The following ARRDC4 variants were observed in gnomAD, a reference collection of about 807,000 sequenced individuals.
ARRDC4 encodes arrestin domain containing 4.
In ARRDC4, 40 loss-of-function variants were observed where a neutral mutation model predicts 44.6. That is an observed-to-expected ratio of 0.90 (90% CI 0.70 to 1.17). The LOEUF (loss-of-function observed/expected upper bound fraction) is 1.17, where lower values mean the gene tolerates loss of function less well. ARRDC4 is among the 50% of genes most tolerant of loss of function. ARRDC4 has a pLI of 0.00. For synonymous variants in ARRDC4, 211 were observed against 221.2 expected (o/e 0.95, Z 0.41); for missense variants, 550 against 559.1 (o/e 0.98, Z 0.16).
rs183582623 is a variant in ARRDC4, at chr15:97,972,619, T to C, written c.*1432T>C. The C allele has an allele frequency of 6.5e-6, 1 of 152,680 alleles. No individual in the cohort carries two copies. The highest frequency in any genetic ancestry group is 6.5e-5 in the Admixed American group (1 of 15,272). The allele number at this position is 152,680 out of a possible 1,614,324, so 9.5% of individuals were successfully genotyped here. On this transcript the variant is annotated 3_prime_UTR_variant, in exon 8 of 8. Transcript: ENST00000268042. The surrounding 1 kb of genome is among the most constrained non-coding windows in gnomAD (Gnocchi z 5.3). ...GGAAGGGAGCCAGGGATTCCTGTGA[T>C]ACAGATTTTGAACCAGCAGAGTACT...
In ARRDC4 at chr15:97,960,810, C is replaced by T. The variant is rs1395927381; in HGVS notation, c.-52C>T. ...CAGCGGCGCCGCTGTGCTCGCGACC[C>T]CGGCTCCGGGCCTCTGCCGACCTCA... On this transcript the variant is annotated 5_prime_UTR_variant, in exon 1 of 8. Transcript: ENST00000268042. 6.4e-6 allele frequency: 8 copies of T among 1,257,808 alleles called. No individual in the cohort carries two copies. Among genetic ancestry groups the T allele is most frequent in the Non-Finnish European group, 7.0e-6 (7 of 1,002,230 alleles). The allele number at this position is 1,257,808 out of a possible 1,614,324, so 77.9% of individuals were successfully genotyped here. A position where few individuals can be genotyped will look rare whatever the true frequency, so the allele number is the denominator to read the frequency against.
Position 97,971,418 on chromosome 15 carries a change from G to A in ARRDC4, c.*231G>A. On this transcript the variant is annotated 3_prime_UTR_variant, in exon 8 of 8. Transcript: ENST00000268042. ...CCCTGTTAAAAACTGGGATGAAGAT[G>A]TGCAAAGTCACAGAATGTAATGGAA... 2.0e-6 allele frequency: 1 copy of A among 508,192 alleles called. No homozygotes were observed. Among genetic ancestry groups the A allele is most frequent in the Non-Finnish European group, 3.6e-6 (1 of 281,046 alleles). 31.5% of individuals were successfully genotyped at this position (508,192 alleles called of 1,614,324 possible).
At position 97,966,864 on chromosome 15, in the gene ARRDC4, C is replaced by A. The variant is rs1279535182; in HGVS notation, c.522+822C>A. On this transcript the variant is annotated intron_variant, in intron 3 of 7. Coordinates refer to ENST00000268042, the MANE Select transcript of ARRDC4 (RefSeq NM_183376.3). The surrounding 1 kb of genome is among the most constrained non-coding windows in gnomAD (Gnocchi z 4.7). ...ATAATTTAAACTTTCCATCACGATA[C>A]TGATGTGACAAAGATGTATTTTTCA... Among the ~76,000 whole-genome samples the A allele has an allele frequency of 6.6e-6, 1 of 152,120 alleles. No homozygotes were observed. The highest frequency in any genetic ancestry group is 1.5e-5 in the Non-Finnish European group (1 of 68,022).
At chr15:97,961,615 A>C (rs995124790) in intron 1 of ARRDC4, among the ~76,000 whole-genome samples, 6 of 152,144 alleles carry the variant, frequency 3.9e-5, no homozygotes, top group Non-Finnish European at 8.8e-5. Context: ...GAATTAGCAG[A>C]AATTTGGTTT....
At chr15:97,969,541 A>G (rs148974442) in intron 5 of ARRDC4, among the ~76,000 whole-genome samples, 162 bp downstream of exon 5, 3 of 152,332 alleles carry the variant, frequency 2.0e-5, no homozygotes, top group African/African-American at 2.4e-5. Flanking sequence ...AATAAAACCT[A>G]TTCCCCACAG....
Position 97,970,924 on chromosome 15 carries a change from C to T in ARRDC4, c.1200+181C>T, listed in dbSNP as rs1170071491. ...TTTGCCAGATTTTTTTACTATTGTCCTTGTGATCTATGGCATCAGATACAG... is the reference window on the plus strand; with the variant it reads ...TTTGCCAGATTTTTTTACTATTGTCTTTGTGATCTATGGCATCAGATACAG... On this transcript the variant is annotated intron_variant, in intron 7 of 7. Transcript: ENST00000268042. The surrounding 1 kb of genome is among the most constrained non-coding windows in gnomAD (Gnocchi z 4.2). Among the ~76,000 whole-genome samples the T allele has an allele frequency of 6.6e-6, 1 of 151,920 alleles. No individual in the cohort carries two copies. Among genetic ancestry groups the T allele is most frequent in the Non-Finnish European group, 1.5e-5 (1 of 67,990 alleles).
chr15:97,967,925 C>A lies in ARRDC4; in HGVS notation c.523-89C>A. On this transcript the variant is annotated intron_variant, in intron 3 of 7. Coordinates refer to ENST00000268042, the MANE Select transcript of ARRDC4 (RefSeq NM_183376.3). The surrounding 1 kb of genome is among the most constrained non-coding windows in gnomAD (Gnocchi z 5.0). Reference sequence around the variant, plus strand: ...TCATTTTTTTGGTATTTCCTTACAACCATTCTGTGAAGATAGATATAATTT... The same window carrying A: ...TCATTTTTTTGGTATTTCCTTACAAACATTCTGTGAAGATAGATATAATTT... 1 of 793,570 alleles carries A rather than the reference C, an allele frequency of 1.3e-6. No individual in the cohort carries two copies. The highest frequency in any genetic ancestry group is 1.8e-5 in the African/African-American group (1 of 55,836). The allele number at this position is 793,570 out of a possible 1,614,324, so 49.2% of individuals were successfully genotyped here.
chr15:97,969,794 T>C (rs1899476489), intron 5 of ARRDC4, 89 bp from the exon 6 acceptor site: 1 of 1,235,082 alleles, frequency 8.1e-7, no homozygotes, highest in Non-Finnish European at 1.1e-6. Context: ...CATTTGTTTC[T>C]ATGAAAAAAA....
At chr15:97,961,335 G>A (rs573669293) in intron 1 of ARRDC4, among the ~76,000 whole-genome samples, 167 bp downstream of exon 1, 2 of 152,298 alleles carry the variant, frequency 1.3e-5, no homozygotes, top group South Asian at 2.1e-4. Flanking sequence ...GCAAGTCCTG[G>A]GTGCGCAGCT....
rs1899419554 is a variant in ARRDC4 at position 97,966,336 on chromosome 15, A to G, written c.522+294A>G. Among the ~76,000 whole-genome samples, 1 of 152,228 alleles carries G rather than the reference A, an allele frequency of 6.6e-6. No homozygotes were observed. Among genetic ancestry groups the G allele is most frequent in the South Asian group, 2.1e-4 (1 of 4,836 alleles). The stretch of plus-strand genomic sequence containing the variant: ...AAATGCATTAATAAGGCTTAATAAC[A>G]ATAATGCACACACAGAGAGTAGTTA... On this transcript the variant is annotated intron_variant, in intron 3 of 7. Coordinates refer to ENST00000268042, the MANE Select transcript of ARRDC4 (RefSeq NM_183376.3). This position sits in a 1 kb window ranked among gnomAD's most constrained non-coding sequence, Gnocchi z 4.7.
intron 1 of ARRDC4, among the ~76,000 whole-genome samples, chr15:97,964,462 CAA>C (rs1170370808): frequency 6.6e-6 from 1 of 152,154 alleles, no homozygotes; most frequent in Non-Finnish European, 1.5e-5. Flanking sequence ...ATAAGTCTCT[CAA>C]GAGAGCCTCC....
At chr15:97,969,040 T>C in intron 4 of ARRDC4, 83 bp from the exon 5 acceptor site, 2 of 1,386,162 alleles carry the variant, frequency 1.4e-6, no homozygotes, top group Non-Finnish European at 2.0e-6. Flanking sequence ...TGTTGGAACA[T>C]TTCAGCTATA....
rs1899416877 is a variant in ARRDC4, at chr15:97,966,141, G to T, written c.522+99G>T. On this transcript the variant is annotated intron_variant, in intron 3 of 7. Coordinates refer to ENST00000268042, the MANE Select transcript of ARRDC4 (RefSeq NM_183376.3). This position sits in a 1 kb window ranked among gnomAD's most constrained non-coding sequence, Gnocchi z 4.7. ...TCTATATTTAGCCAGTTTACTGGTA[G>T]TCTGTCCTGTCACTTTCTGATGGCT... 1.5e-6 allele frequency: 2 copies of T among 1,338,756 alleles called. No individual in the cohort carries two copies. The highest frequency in any genetic ancestry group is 2.1e-6 in the Non-Finnish European group (2 of 973,742). The allele number at this position is 1,338,756 out of a possible 1,614,324, so 82.9% of individuals were successfully genotyped here.
rs1243886996 is a variant in ARRDC4 at position 97,971,992 on chromosome 15, A to G, written c.*805A>G. Reference sequence around the variant, plus strand: ...TATCTTATTTACCTAGGAGCATGTAAGAGAAAGAAGGGAGAGAAAAGGTTG... The same window carrying G: ...TATCTTATTTACCTAGGAGCATGTAGGAGAAAGAAGGGAGAGAAAAGGTTG... On this transcript the variant is annotated 3_prime_UTR_variant, in exon 8 of 8. Coordinates refer to ENST00000268042, the MANE Select transcript of ARRDC4 (RefSeq NM_183376.3). 2 of 152,608 alleles carry G rather than the reference A, an allele frequency of 1.3e-5. No homozygotes were observed. The highest frequency in any genetic ancestry group is 4.8e-5 in the African/African-American group (2 of 41,438). The allele number at this position is 152,608 out of a possible 1,614,324, so 9.5% of individuals were successfully genotyped here. A position where few individuals can be genotyped will look rare whatever the true frequency, so the allele number is the denominator to read the frequency against.
intron 1 of ARRDC4, among the ~76,000 whole-genome samples, 170 bp downstream of exon 1, chr15:97,961,338 G>T (rs28554006): frequency 6.6e-6 from 1 of 152,184 alleles, no homozygotes; most frequent in Non-Finnish European, 1.5e-5. Flanking sequence ...AGTCCTGGGT[G>T]CGCAGCTCTT....
chr15:97,970,853 A>G lies in ARRDC4; in HGVS notation c.1200+110A>G. 1.5e-6 allele frequency: 2 copies of G among 1,303,574 alleles called. No homozygotes were observed. The highest frequency in any genetic ancestry group is 2.4e-5 in the East Asian group (1 of 42,134). The allele number at this position is 1,303,574 out of a possible 1,614,324, so 80.8% of individuals were successfully genotyped here. A position where few individuals can be genotyped will look rare whatever the true frequency, so the allele number is the denominator to read the frequency against. ...TGCTGACTCATAATTAGTAAGGGATACATTTAAATTTGTTTATACAGTGGT... is the reference window on the plus strand; with the variant it reads ...TGCTGACTCATAATTAGTAAGGGATGCATTTAAATTTGTTTATACAGTGGT... On this transcript the variant is annotated intron_variant, in intron 7 of 7. Transcript: ENST00000268042. This position sits in a 1 kb window ranked among gnomAD's most constrained non-coding sequence, Gnocchi z 4.2.
rs1272485828 is a variant in ARRDC4, at chr15:97,970,818, G to C, written c.1200+75G>C. Reference sequence around the variant, plus strand: ...ATCATTTTTTGTCATCCGTTCATTAGAGTGTCTGTTGCTGACTCATAATTA... The same window carrying C: ...ATCATTTTTTGTCATCCGTTCATTACAGTGTCTGTTGCTGACTCATAATTA... On this transcript the variant is annotated intron_variant, in intron 7 of 7. Coordinates refer to ENST00000268042, the MANE Select transcript of ARRDC4 (RefSeq NM_183376.3). This position sits in a 1 kb window ranked among gnomAD's most constrained non-coding sequence, Gnocchi z 4.2. 6.7e-7 allele frequency: 1 copy of C among 1,498,118 alleles called. No individual in the cohort carries two copies. The highest frequency in any genetic ancestry group is 2.3e-5 in the East Asian group (1 of 44,010). 92.8% of individuals were successfully genotyped at this position (1,498,118 alleles called of 1,614,324 possible).
Position 97,972,766 on chromosome 15 carries a change from GA to G in ARRDC4, c.*1583del, listed in dbSNP as rs1191178481. The G allele has an allele frequency of 6.6e-6, 1 of 152,558 alleles. No individual in the cohort carries two copies. Among genetic ancestry groups the G allele is most frequent in the Non-Finnish European group, 1.5e-5 (1 of 68,020 alleles). 9.5% of individuals were successfully genotyped at this position (152,558 alleles called of 1,614,324 possible). ...TCAATCAGCATGTTCACCAAAAATA[GA>G]AAAGTTCTTCTAAGGTTAAATTTTG... On this transcript the variant is annotated 3_prime_UTR_variant, in exon 8 of 8. Transcript: ENST00000268042. This position sits in a 1 kb window ranked among gnomAD's most constrained non-coding sequence, Gnocchi z 5.3.
In ARRDC4 at chr15:97,960,900, C is replaced by T. The variant is rs774912989; in HGVS notation, c.39C>T (p.Ala13=). Reference sequence around the variant, plus strand: ...CTGGGTGCGCGGCGGCCGTGGGTGCCGAGGGCCGCGTGAAGAGCCTGGGTC... The same window carrying T: ...CTGGGTGCGCGGCGGCCGTGGGTGCTGAGGGCCGCGTGAAGAGCCTGGGTC... ...GEAGCAAAVG[A]EGRVKSLGLV... The change falls in exon 1 of 8, where the codon GCC becomes GCT. Residue 13 remains alanine (A), a synonymous_variant. Coordinates refer to ENST00000268042, the MANE Select transcript of ARRDC4 (RefSeq NM_183376.3). The T allele has an allele frequency of 4.3e-5, 62 of 1,426,106 alleles. No homozygotes were observed. In the African/African-American group the frequency reaches 8.4e-4, roughly 19 times the overall value. The allele number at this position is 1,426,106 out of a possible 1,614,324, so 88.3% of individuals were successfully genotyped here. A position where few individuals can be genotyped will look rare whatever the true frequency, so the allele number is the denominator to read the frequency against.
Sources: gnomAD v4.1 joint callset for allele counts (sites outside exome capture counted in the v4.1 genomes callset) on GRCh38, gnomAD v4.1.1 for gene constraint, Gnocchi (gnomAD v3.1) non-coding constraint, MANE v1.5 for transcripts, NCBI Gene and HGNC (gene_info 2026-07-23, HGNC 2026-07-21) for gene names.